The following L3HYPDH variants were observed in gnomAD, a reference collection of about 807,000 sequenced individuals.
L3HYPDH encodes the protein trans-L-3-hydroxyproline dehydratase.
A neutral mutation model predicts 26.5 loss-of-function variants in L3HYPDH; 32 were observed. That is an observed-to-expected ratio of 1.21 (90% CI 0.91 to 1.62). L3HYPDH has a LOEUF of 1.62. Among genes scored for constraint, L3HYPDH ranks in the 40% most tolerant of loss-of-function variants. L3HYPDH has a pLI of 0.00. For synonymous variants in L3HYPDH, 215 were observed against 196.6 expected (o/e 1.09, Z -0.78); for missense variants, 554 against 476.4 (o/e 1.16, Z -1.52).
chr14:59,495,684 T>A, the L3HYPDH span, among the ~76,000 whole-genome samples: 7 of 152,198 alleles, frequency 4.6e-5, no homozygotes, highest in Non-Finnish European at 1.0e-4. Flanking sequence ...AGAAAATGAA[T>A]CAAATTCATT....
chr14:59,489,947 A>G, the L3HYPDH span, among the ~76,000 whole-genome samples: 3 of 151,870 alleles, frequency 2.0e-5, no homozygotes, highest in South Asian at 2.1e-4. Context: ...TTTCGAGACA[A>G]TGTCCTGGTT....
chr14:59,486,759 C>T, upstream of L3HYPDH: 2 of 1,595,674 alleles, frequency 1.3e-6, no homozygotes, highest in Non-Finnish European at 8.5e-7. Context: ...GTGGGAAGAC[C>T]CTATTATTTA....
chr14:59,473,911 C>T (rs77162797), intron 4 of L3HYPDH, among the ~76,000 whole-genome samples: 8,750 of 152,072 alleles, frequency 0.058, 315 homozygotes, highest in Middle Eastern at 0.11. Flanking sequence ...GGAGCCTGGA[C>T]GGGCCCACAC....
intron 1 of L3HYPDH, among the ~76,000 whole-genome samples, chr14:59,482,711 A>G (rs1566565850): frequency 6.6e-6 from 1 of 152,196 alleles, no homozygotes; most frequent in Non-Finnish European, 1.5e-5. Context: ...AGGTTGCTCT[A>G]AAAGTGCCTG....
the L3HYPDH span, chr14:59,495,092 G>A: frequency 6.2e-7 from 1 of 1,613,740 alleles, no homozygotes; most frequent in Non-Finnish European, 8.5e-7. Context: ...TTACTTGTGA[G>A]TGATCCAGTT....
the L3HYPDH span, among the ~76,000 whole-genome samples, chr14:59,496,689 T>A: frequency 1.3e-5 from 2 of 152,188 alleles, no homozygotes; most frequent in Non-Finnish European, 2.9e-5. Context: ...GGCAGCACTC[T>A]CTGTCAATCA....
intron 2 of L3HYPDH, among the ~76,000 whole-genome samples, chr14:59,477,247 T>C (rs1040444501): frequency 1.3e-5 from 2 of 152,262 alleles, no homozygotes; most frequent in South Asian, 2.1e-4. Flanking sequence ...CTCCAGGATC[T>C]AGCAGAATGT....
chr14:59,495,100 GT>G, the L3HYPDH span: 1 of 1,613,560 alleles, frequency 6.2e-7, no homozygotes, highest in Non-Finnish European at 8.5e-7. Flanking sequence ...GAGTGATCCA[GT>G]TGGTGTTCTT....
At chr14:59,502,764 T>TCTTTGTTTTTG in the L3HYPDH span, among the ~76,000 whole-genome samples, 28 of 130,466 alleles carry the variant, frequency 2.1e-4, 9 homozygotes, top group Non-Finnish European at 2.9e-4. Context: ...TTTTTTTTTT[T>TCTTTGTTTTTG]TTTTTTTTTC....
chr14:59,484,781 C>A, upstream of L3HYPDH: 1 of 913,908 alleles, frequency 1.1e-6, no homozygotes, highest in Non-Finnish European at 1.6e-6. Context: ...CCGCAACGGG[C>A]TACTAGGGGA....
At chr14:59,468,194 C>T (rs1889238015), downstream of L3HYPDH, among the ~76,000 whole-genome samples, 1 of 152,192 alleles carries the variant, frequency 6.6e-6, no homozygotes, top group Admixed American at 6.5e-5. Context: ...TACAGGCCAG[C>T]CTGGGCAACA....
Position 59,484,394 on chromosome 14 carries a change from G to A in L3HYPDH, c.-78C>T, listed in dbSNP as rs566171917. ...ACCCTCACCCACTGACTCCGCGGGAGGAGGGCGGGACGCTAACCAGCCACG... is the reference window on the plus strand; with the variant it reads ...ACCCTCACCCACTGACTCCGCGGGAAGAGGGCGGGACGCTAACCAGCCACG... On this transcript the variant is annotated 5_prime_UTR_variant, in exon 1 of 5. Transcript: ENST00000247194. 5.5e-5 allele frequency: 80 copies of A among 1,462,240 alleles called. No homozygotes were observed. In the African/African-American group the frequency reaches 8.8e-4, roughly 16 times the overall value. 90.6% of individuals were successfully genotyped at this position (1,462,240 alleles called of 1,614,324 possible).
the L3HYPDH span, among the ~76,000 whole-genome samples, chr14:59,497,707 G>C: frequency 4.6e-5 from 7 of 151,952 alleles, no homozygotes; most frequent in Non-Finnish European, 1.0e-4. Flanking sequence ...ATGTTGTTTG[G>C]GGGTGGTATA....
At chr14:59,485,155 A>G, upstream of L3HYPDH, 4 of 1,592,632 alleles carry the variant, frequency 2.5e-6, no homozygotes, top group Non-Finnish European at 3.4e-6. Context: ...AGTTTATCAT[A>G]CTGGTTTTCA....
intron 1 of L3HYPDH, 191 bp downstream of exon 1, chr14:59,483,618 G>A (rs976523350): frequency 1.0e-5 from 15 of 1,434,800 alleles, no homozygotes; most frequent in East Asian, 2.5e-5. Context: ...GGGAGTCAGG[G>A]AAAATCGAAA....
At chr14:59,483,444 C>G (rs1292134083) in intron 1 of L3HYPDH, 1 of 1,076,640 alleles carries the variant, frequency 9.3e-7, no homozygotes, top group African/African-American at 1.7e-5. Flanking sequence ...AGCCTGGAAC[C>G]CTGGTACATT....
At chr14:59,494,576 G>A in the L3HYPDH span, among the ~76,000 whole-genome samples, 1 of 152,330 alleles carries the variant, frequency 6.6e-6, no homozygotes, top group South Asian at 2.1e-4. Context: ...TTTGGTACAT[G>A]GTTGCCTCTA....
upstream of L3HYPDH, among the ~76,000 whole-genome samples, chr14:59,488,937 A>G (rs1890785217): frequency 6.6e-6 from 1 of 152,280 alleles, no homozygotes; most frequent in South Asian, 2.1e-4. Flanking sequence ...TAAGGAAGAC[A>G]GCCTACTTTC....
the L3HYPDH span, among the ~76,000 whole-genome samples, chr14:59,491,980 C>CTCT: frequency 6.6e-6 from 1 of 152,196 alleles, no homozygotes; most frequent in African/African-American, 2.4e-5. Flanking sequence ...CCCTGTAAGA[C>CTCT]TCTTGCTCAT....
Sources: gnomAD v4.1 joint callset for allele counts (sites outside exome capture counted in the v4.1 genomes callset) on GRCh38, gnomAD v4.1.1 for gene constraint, MANE v1.5 for transcripts, NCBI Gene and HGNC (gene_info 2026-07-23, HGNC 2026-07-21) for gene names.